PLPPR4: variants seen among roughly 807,000 people sequenced by gnomAD.
PLPPR4 encodes phospholipid phosphatase-related protein type 4.
PLPPR4 carries 24 observed loss-of-function variants against 56.6 expected under a neutral mutation model. That is an observed-to-expected ratio of 0.42 (90% CI 0.31 to 0.60). PLPPR4 has a LOEUF of 0.60. PLPPR4 is among the 20% of genes least tolerant of loss of function. PLPPR4 has a pLI of 0.13. For missense variants in PLPPR4, 654 were observed against 885.8 expected, an observed-to-expected ratio of 0.74 and a Z score of 3.32; for synonymous variants, 326 against 328.1, an observed-to-expected ratio of 0.99 and a Z score of 0.07.
At chr1:99,273,520 T>C (rs1228179069) in intron 1 of PLPPR4, among the ~76,000 whole-genome samples, 2 of 152,100 alleles carry the variant, frequency 1.3e-5, no homozygotes, top group South Asian at 2.1e-4. Context: ...AATGAAATCC[T>C]AGGCATGCTT....
At chr1:99,272,972 G>T (rs533126710) in intron 1 of PLPPR4, among the ~76,000 whole-genome samples, 3 of 152,060 alleles carry the variant, frequency 2.0e-5, no homozygotes, top group African/African-American at 7.2e-5. Context: ...AAAAAAAAAG[G>T]TGATATTTAA....
chr1:99,288,167 A>T lies in PLPPR4; in HGVS notation c.264+17A>T. ...GCAATTACGGTAAGAATTACCCCCA[A>T]AATTGTGTTTATCTGTCCTGGAAAA... On this transcript the variant is annotated intron_variant, in intron 2 of 6. Coordinates refer to ENST00000370185, the MANE Select transcript of PLPPR4 (RefSeq NM_014839.5). 1 of 1,610,776 alleles carries T rather than the reference A, an allele frequency of 6.2e-7. No individual in the cohort carries two copies. The highest frequency in any genetic ancestry group is 8.5e-7 in the Non-Finnish European group (1 of 1,178,142).
rs565769005 is a variant in PLPPR4, at chr1:99,305,192, G to A, written c.823-493G>A. On this transcript the variant is annotated intron_variant, in intron 6 of 6. Transcript: ENST00000370185. ...GCGAGTCGTAATAACATATGTCTCCGACCTTCTTTCAAAACCAGATATCAT... is the reference window on the plus strand; with the variant it reads ...GCGAGTCGTAATAACATATGTCTCCAACCTTCTTTCAAAACCAGATATCAT... Among the ~76,000 whole-genome samples, 9 of 152,126 alleles carry A rather than the reference G, an allele frequency of 5.9e-5. No homozygotes were observed. The Middle Eastern group carries it at 0.027, about 460-fold the overall frequency.
At chr1:99,276,944 T>C (rs1659201975) in intron 1 of PLPPR4, among the ~76,000 whole-genome samples, 1 of 152,166 alleles carries the variant, frequency 6.6e-6, no homozygotes, top group Non-Finnish European at 1.5e-5. Context: ...GGATGAGCAT[T>C]GTTATGATGG....
intron 3 of PLPPR4, 57 bp downstream of exon 3, chr1:99,296,924 A>G: frequency 7.1e-7 from 1 of 1,401,656 alleles, no homozygotes; most frequent in East Asian, 2.6e-5. Flanking sequence ...TTGAAATGTT[A>G]TATTTAATTA....
At chr1:99,283,017 ATT>A (rs1047473267) in intron 1 of PLPPR4, among the ~76,000 whole-genome samples, 55 of 148,810 alleles carry the variant, frequency 3.7e-4, no homozygotes, top group Middle Eastern at 3.3e-3. Context: ...TGAAATATAT[ATT>A]GTTTACCTGG....
Position 99,305,876 on chromosome 1 carries a change from G to C in PLPPR4, c.1014G>C (p.Leu338=). 6.2e-7 allele frequency: 1 copy of C among 1,614,056 alleles called. No individual in the cohort carries two copies. The highest frequency in any genetic ancestry group is 2.2e-5 in the East Asian group (1 of 44,860). ...LNRNHRDASS[L]TNLKRANADV... Reference sequence around the variant, plus strand: ...GAAACCACAGAGATGCTAGCTCTCTGACAAATCTCAAAAGAGCAAATGCTG... The same window carrying C: ...GAAACCACAGAGATGCTAGCTCTCTCACAAATCTCAAAAGAGCAAATGCTG... Residue 338 remains leucine, a synonymous_variant, in exon 7 of 7, where the codon CTG becomes CTC. Coordinates refer to ENST00000370185, the MANE Select transcript of PLPPR4 (RefSeq NM_014839.5).
At chr1:99,268,822 A>G (rs930187699) in intron 1 of PLPPR4, among the ~76,000 whole-genome samples, 14 of 152,194 alleles carry the variant, frequency 9.2e-5, no homozygotes, top group Non-Finnish European at 1.9e-4. Flanking sequence ...GAAAAGGTTT[A>G]TCATGCCCTT....
At chr1:99,288,959 G>T (rs961751426) in intron 2 of PLPPR4, among the ~76,000 whole-genome samples, 2 of 151,982 alleles carry the variant, frequency 1.3e-5, no homozygotes, top group Admixed American at 1.3e-4. Flanking sequence ...ATAAAGAAAT[G>T]CTCTAATGTA....
At chr1:99,289,393 T>C (rs1335752348) in intron 2 of PLPPR4, among the ~76,000 whole-genome samples, 2 of 152,140 alleles carry the variant, frequency 1.3e-5, no homozygotes, top group African/African-American at 4.8e-5. Context: ...TTTAAATACA[T>C]AGTGTATAAA....
intron 2 of PLPPR4, among the ~76,000 whole-genome samples, chr1:99,292,909 A>G (rs373834951): frequency 7.2e-5 from 11 of 152,270 alleles, no homozygotes; most frequent in Non-Finnish European, 1.3e-4. Context: ...ATATACAGCT[A>G]TGCTAACTCC....
chr1:99,291,230 A>G (rs1659612878), intron 2 of PLPPR4, among the ~76,000 whole-genome samples: 1 of 152,228 alleles, frequency 6.6e-6, no homozygotes, highest in African/African-American at 2.4e-5. Context: ...AATCAAAACG[A>G]AAATGACATA....
rs1011662223 is a variant in PLPPR4 at position 99,304,797 on chromosome 1, C to G, written c.823-888C>G. ...GTTACCGCCTTTTGAAATTAGCACA[C>G]AAACAGGTGTCTGCTGCTTGATTTT... is the stretch of plus-strand genomic sequence containing the variant. On this transcript the variant is annotated intron_variant, in intron 6 of 6. Coordinates refer to ENST00000370185, the MANE Select transcript of PLPPR4 (RefSeq NM_014839.5). 3.3e-5 allele frequency among the ~76,000 whole-genome samples: 5 copies of G among 152,252 alleles called. No homozygotes were observed. The East Asian group carries it at 9.7e-4, about 29-fold the overall frequency.
At chr1:99,284,122 T>C (rs986263811) in intron 1 of PLPPR4, among the ~76,000 whole-genome samples, 1 of 152,184 alleles carries the variant, frequency 6.6e-6, no homozygotes, top group Non-Finnish European at 1.5e-5. Flanking sequence ...TCTGTGTAAT[T>C]TTATTATGTG....
intron 1 of PLPPR4, among the ~76,000 whole-genome samples, chr1:99,277,578 A>G (rs1659223277): frequency 6.6e-6 from 1 of 152,166 alleles, no homozygotes; most frequent in South Asian, 2.1e-4. Context: ...ATCCATTTGT[A>G]AACTGCTGAT....
intron 1 of PLPPR4, among the ~76,000 whole-genome samples, chr1:99,272,318 G>A (rs1490096015): frequency 6.6e-6 from 1 of 151,954 alleles, no homozygotes; most frequent in Non-Finnish European, 1.5e-5. Context: ...GTATGCCAGC[G>A]TTACCTAAGG....
At chr1:99,285,399 T>C (rs1393903510) in intron 1 of PLPPR4, among the ~76,000 whole-genome samples, 1 of 152,220 alleles carries the variant, frequency 6.6e-6, no homozygotes, top group Non-Finnish European at 1.5e-5. Flanking sequence ...ATTTCAATAA[T>C]GTGCATGCAC....
At chr1:99,304,925 T>C (rs1446145404) in intron 6 of PLPPR4, among the ~76,000 whole-genome samples, 1 of 152,156 alleles carries the variant, frequency 6.6e-6, no homozygotes, top group East Asian at 1.9e-4. Flanking sequence ...TTAGCCTTTT[T>C]CCAAATTTTT....
At chr1:99,300,626 T>C (rs1659863561) in intron 4 of PLPPR4, among the ~76,000 whole-genome samples, 1 of 152,106 alleles carries the variant, frequency 6.6e-6, no homozygotes, top group Non-Finnish European at 1.5e-5. Context: ...AATCCATTTT[T>C]ACTTCAACCA....
Sources: allele counts gnomAD v4.1 joint callset (sites outside exome capture counted in the v4.1 genomes callset), GRCh38; gene constraint gnomAD v4.1.1; transcripts MANE v1.5; gene names NCBI Gene and HGNC (gene_info 2026-07-23, HGNC 2026-07-21).